GOLIM4: variants seen among roughly 807,000 people sequenced by gnomAD.
The protein encoded by GOLIM4 is 130 kDa golgi-localized phosphoprotein.
In GOLIM4, 71 loss-of-function variants were observed where a neutral mutation model predicts 107.4. The observed-to-expected ratio is 0.66, with a 90% CI of 0.55 to 0.81. The LOEUF (loss-of-function observed/expected upper bound fraction) is 0.81, where lower values mean the gene tolerates loss of function less well. Among genes scored for constraint, GOLIM4 ranks in the 30% least tolerant of loss-of-function variants. GOLIM4 has a pLI of 0.00. For missense variants in GOLIM4, 830 were observed against 826.1 expected, an observed-to-expected ratio of 1.00 and a Z score of -0.06; for synonymous variants, 327 against 294.8, an observed-to-expected ratio of 1.11 and a Z score of -1.12.
chr3:168,028,580 G>C (rs1303202273), intron 11 of GOLIM4, among the ~76,000 whole-genome samples: 1 of 152,106 alleles, frequency 6.6e-6, no homozygotes, highest in Non-Finnish European at 1.5e-5. Context: ...AAGAGGACAA[G>C]CCATTCTCTA....
chr3:168,028,469 G>C (rs1412841795), intron 11 of GOLIM4, among the ~76,000 whole-genome samples: 1 of 152,172 alleles, frequency 6.6e-6, no homozygotes, highest in Non-Finnish European at 1.5e-5. Context: ...GATAGAAGAG[G>C]AAAGTTTAAG....
intron 1 of GOLIM4, among the ~76,000 whole-genome samples, chr3:168,090,621 A>T (rs1377638743): frequency 6.6e-6 from 1 of 152,180 alleles, no homozygotes; most frequent in Admixed American, 6.5e-5. Flanking sequence ...GGATTTCTCA[A>T]AGAACTAAAA....
At chr3:168,075,647 C>G (rs982513402) in intron 1 of GOLIM4, among the ~76,000 whole-genome samples, 2 of 152,104 alleles carry the variant, frequency 1.3e-5, no homozygotes, top group African/African-American at 4.8e-5. Context: ...AGTTCCTACT[C>G]TGGAAATATT....
At chr3:168,035,369 C>T (rs972794600) in intron 8 of GOLIM4, among the ~76,000 whole-genome samples, 3 of 152,114 alleles carry the variant, frequency 2.0e-5, no homozygotes, top group African/African-American at 7.2e-5. Flanking sequence ...ACACTATTCA[C>T]AATAGCAAAG....
chr3:168,015,957 T>G (rs1230909028), intron 14 of GOLIM4, among the ~76,000 whole-genome samples: 2 of 133,946 alleles, frequency 1.5e-5, no homozygotes, highest in Non-Finnish European at 3.0e-5. Context: ...AACCTAGGCA[T>G]TACCATTCAG....
Position 168,010,106 on chromosome 3 carries a change from A to G in GOLIM4, c.*163T>C, listed in dbSNP as rs1382505646. 1.9e-6 allele frequency: 1 copy of G among 515,272 alleles called. No homozygotes were observed. The highest frequency in any genetic ancestry group is 3.3e-6 in the Non-Finnish European group (1 of 299,058). 31.9% of individuals were successfully genotyped at this position (515,272 alleles called of 1,614,324 possible). On this transcript the variant is annotated 3_prime_UTR_variant, in exon 16 of 16. Coordinates refer to ENST00000470487, the MANE Select transcript of GOLIM4 (RefSeq NM_014498.5). Reference sequence around the variant, plus strand: ...GAAGCTCTAGACCTACGTTATCAAAATATATTCATATAAATGTATGCGCAT... The same window carrying G: ...GAAGCTCTAGACCTACGTTATCAAAGTATATTCATATAAATGTATGCGCAT...
At chr3:168,082,934 T>C (rs1347539687) in intron 1 of GOLIM4, among the ~76,000 whole-genome samples, 5 of 152,196 alleles carry the variant, frequency 3.3e-5, no homozygotes, top group African/African-American at 7.2e-5. Flanking sequence ...AAATATAATC[T>C]ATCCACTTCC....
At chr3:168,040,744 C>T in intron 7 of GOLIM4, 42 bp downstream of exon 7, 2 of 1,270,812 alleles carry the variant, frequency 1.6e-6, no homozygotes, top group Non-Finnish European at 2.3e-6. Context: ...AAATGTTAAG[C>T]AGACTTGTAA....
chr3:168,032,507 G>C lies in GOLIM4; in HGVS notation c.1176+13C>G, dbSNP rs377515283. On this transcript the variant is annotated intron_variant, in intron 9 of 15. Coordinates refer to ENST00000470487, the MANE Select transcript of GOLIM4 (RefSeq NM_014498.5). ...ATCCCAGTACACCATACCAGAAGCGGGTGACTTCATACCTCAGCACGCGCG... is the reference window on the plus strand; with the variant it reads ...ATCCCAGTACACCATACCAGAAGCGCGTGACTTCATACCTCAGCACGCGCG... The C allele has an allele frequency of 1.3e-6, 2 of 1,598,094 alleles. No homozygotes were observed. Among genetic ancestry groups the C allele is most frequent in the African/African-American group, 2.7e-5 (2 of 74,632 alleles).
At chr3:168,033,781 A>G (rs1191744448) in intron 8 of GOLIM4, among the ~76,000 whole-genome samples, 1 of 152,122 alleles carries the variant, frequency 6.6e-6, no homozygotes, top group African/African-American at 2.4e-5. Context: ...TTTATTGCTA[A>G]TATTGAAAAC....
chr3:168,025,169 C>T, intron 12 of GOLIM4, 74 bp from the exon 13 acceptor site: 2 of 1,191,618 alleles, frequency 1.7e-6, no homozygotes, highest in Non-Finnish European at 2.4e-6. Context: ...GAAAAGGCTG[C>T]CCACTGGCAG....
In GOLIM4 at chr3:168,043,359, C is replaced by T. The variant is rs765760384; in HGVS notation, c.517+20G>A. 2 of 1,563,616 alleles carry T rather than the reference C, an allele frequency of 1.3e-6. No individual in the cohort carries two copies. Among genetic ancestry groups the T allele is most frequent in the Non-Finnish European group, 1.7e-6 (2 of 1,145,540 alleles). Reference sequence around the variant, plus strand: ...CAGTACTTATTTAGAGATAAACTGGCTAATCAGATTTCCAAATACCTTTTA... The same window carrying T: ...CAGTACTTATTTAGAGATAAACTGGTTAATCAGATTTCCAAATACCTTTTA... On this transcript the variant is annotated intron_variant, in intron 5 of 15. Coordinates refer to ENST00000470487, the MANE Select transcript of GOLIM4 (RefSeq NM_014498.5).
chr3:168,010,496 G>A, intron 15 of GOLIM4, 78 bp from the exon 16 acceptor site: 2 of 1,024,138 alleles, frequency 2.0e-6, no homozygotes, highest in Non-Finnish European at 2.9e-6. Context: ...AAAACAGGAT[G>A]AAAAATTACT....
At chr3:168,033,643 A>AATGCC (rs1718473621) in intron 8 of GOLIM4, among the ~76,000 whole-genome samples, 1 of 129,490 alleles carries the variant, frequency 7.7e-6, no homozygotes, top group Admixed American at 7.5e-5. Context: ...AAAAAAAAAG[A>AATGCC]ATGCCATTAC....
chr3:168,032,064 TTAAA>T (rs1164249873), intron 9 of GOLIM4, among the ~76,000 whole-genome samples: 1 of 152,144 alleles, frequency 6.6e-6, no homozygotes, highest in African/African-American at 2.4e-5. Flanking sequence ...TTTTTGATAA[TTAAA>T]TAACCACCTT....
chr3:168,042,019 G>T (rs1234428317), intron 5 of GOLIM4, among the ~76,000 whole-genome samples: 1 of 152,074 alleles, frequency 6.6e-6, no homozygotes, highest in African/African-American at 2.4e-5. Flanking sequence ...ATATTATAGA[G>T]AAATGTTGCA....
chr3:168,068,114 T>C (rs1040142434), intron 1 of GOLIM4, among the ~76,000 whole-genome samples: 3 of 152,128 alleles, frequency 2.0e-5, no homozygotes, highest in Non-Finnish European at 4.4e-5. Flanking sequence ...TAAATTAATG[T>C]ATACAATATC....
At chr3:168,031,159 T>C (rs1237654916) in intron 9 of GOLIM4, among the ~76,000 whole-genome samples, 2 of 152,052 alleles carry the variant, frequency 1.3e-5, no homozygotes, top group Admixed American at 6.5e-5. Flanking sequence ...ATTGATAAGA[T>C]AGAGTGGATT....
rs1202903477 is a variant in GOLIM4 at position 168,010,244 on chromosome 3, A to C, written c.*25T>G. ...CAGCTTGAAAAGAATCCGTTGGCTG[A>C]GCGTTGTCTAGAAATTGGGTGCCGC... On this transcript the variant is annotated 3_prime_UTR_variant, in exon 16 of 16. Transcript: ENST00000470487. The C allele has an allele frequency of 7.5e-6, 12 of 1,602,552 alleles. No homozygotes were observed. Among genetic ancestry groups the C allele is most frequent in the Non-Finnish European group, 9.4e-6 (11 of 1,174,764 alleles).
Sources: gnomAD v4.1 joint callset for allele counts (sites outside exome capture counted in the v4.1 genomes callset) on GRCh38, gnomAD v4.1.1 for gene constraint, MANE v1.5 for transcripts, NCBI Gene and HGNC (gene_info 2026-07-23, HGNC 2026-07-21) for gene names.